SMAD7: variants seen among roughly 807,000 people sequenced by gnomAD.
SMAD7 encodes the protein SMAD family member 7.
SMAD7 carries 8 observed loss-of-function variants against 38.7 expected under a neutral mutation model. The ratio of observed to expected loss-of-function variants is 0.21; its 90% confidence interval spans 0.12 to 0.37. SMAD7 has a LOEUF of 0.37. Ranked by LOEUF, SMAD7 falls within the 10% of genes least tolerant of loss-of-function variation. The pLI is 1.00. For missense variants in SMAD7, 477 were observed against 577.9 expected (o/e 0.83, Z 1.79); for synonymous variants, 327 against 265.1 (o/e 1.23, Z -2.27).
chr18:48,926,581 C>T (rs772001251), intron 3 of SMAD7, among the ~76,000 whole-genome samples: 19 of 152,244 alleles, frequency 1.2e-4, no homozygotes, highest in Non-Finnish European at 2.5e-4. Flanking sequence ...GGAGGAAGGG[C>T]GCCTGGGCAG....
chr18:48,942,211 C>G (rs539273385), intron 3 of SMAD7, among the ~76,000 whole-genome samples: 1 of 152,164 alleles, frequency 6.6e-6, no homozygotes, highest in East Asian at 1.9e-4. Context: ...TAAAAATAAC[C>G]GGGCAACACT....
chr18:48,921,541 T>C lies in SMAD7; in HGVS notation c.1112A>G (p.Tyr371Cys). The change falls in exon 4 of 4, where the codon TAC becomes TGC. Residue 371 changes from tyrosine to cysteine, a missense_variant. By Grantham distance (194) the Tyr-to-Cys change is radical. This residue lies in a region of SMAD7 where 101 missense variants were observed against 198.5 expected (regional missense o/e 0.51). Coordinates refer to ENST00000262158, the MANE Select transcript of SMAD7 (RefSeq NM_005904.4). This position sits in a 1 kb window ranked among gnomAD's most constrained non-coding sequence, Gnocchi z 6.4. Reference protein sequence around the residue: ...FPGFSIKAFDYEKAYSLQRPN... With the variant: ...FPGFSIKAFDCEKAYSLQRPN... ...CCGCTGCAGGCTGTACGCCTTCTCG[T>C]AGTCGAAAGCCTTGATGGAGAAACC... 1 of 1,614,256 alleles carries C rather than the reference T, an allele frequency of 6.2e-7. No homozygotes were observed. Among genetic ancestry groups the C allele is most frequent in the African/African-American group, 1.3e-5 (1 of 75,072 alleles).
At chr18:48,948,355 G>A in intron 2 of SMAD7, 29 bp downstream of exon 2, 2 of 1,509,908 alleles carry the variant, frequency 1.3e-6, no homozygotes. Flanking sequence ...CTTAAGATAA[G>A]CAGGATATTT....
intron 3 of SMAD7, among the ~76,000 whole-genome samples, chr18:48,922,763 G>C (rs1191822569): frequency 2.0e-5 from 3 of 152,000 alleles, no homozygotes; most frequent in Non-Finnish European, 4.4e-5. Context: ...CCCATCCCCA[G>C]GGGTGCCCCC....
chr18:48,947,341 C>T (rs1009222208), intron 2 of SMAD7, among the ~76,000 whole-genome samples: 1 of 152,182 alleles, frequency 6.6e-6, no homozygotes, highest in African/African-American at 2.4e-5. Context: ...TATGACAACG[C>T]CCCAGCAAAA....
Position 48,921,843 on chromosome 18 carries a change from C to A in SMAD7, c.810G>T (p.Lys270Asn). The change falls in exon 4 of 4, where the codon AAG (lysine) becomes AAT (asparagine). Residue 270 changes from lysine to asparagine, a missense_variant. Lys to Asn is a moderately conservative substitution (Grantham distance 94). Around this residue, in one of 2 missense-constraint regions of SMAD7, gnomAD observed 376 missense variants for 379.4 expected, o/e 0.99. Coordinates refer to ENST00000262158, the MANE Select transcript of SMAD7 (RefSeq NM_005904.4). The surrounding 1 kb of genome is among the most constrained non-coding windows in gnomAD (Gnocchi z 6.4). Reference sequence around the variant, plus strand: ...CACAGTAGAGCCTCCCCACTCTCGTCTTCTCCTCCCAGTATGCCACCACGC... The same window carrying A: ...CACAGTAGAGCCTCCCCACTCTCGTATTCTCCTCCCAGTATGCCACCACGC... ...HWCVVAYWEE[K>N]TRVGRLYCVQ... The A allele has an allele frequency of 6.2e-7, 1 of 1,613,836 alleles. No homozygotes were observed.
intron 3 of SMAD7, among the ~76,000 whole-genome samples, chr18:48,924,618 C>T (rs778416751): frequency 2.6e-5 from 4 of 152,172 alleles, no homozygotes; most frequent in African/African-American, 4.8e-5. Flanking sequence ...GCATGGATGT[C>T]GTGAATGCTG....
In SMAD7 at chr18:48,950,229, C is replaced by T; in HGVS notation, c.196G>A (p.Val66Met). 1 of 1,501,832 alleles carries T rather than the reference C, an allele frequency of 6.7e-7. No individual in the cohort carries two copies. The allele number at this position is 1,501,832 out of a possible 1,614,324, so 93.0% of individuals were successfully genotyped here. ...GRAGCCLGKAVRGAKGHHHPH... is the reference protein window; with the variant it reads ...GRAGCCLGKAMRGAKGHHHPH... Reference sequence around the variant, plus strand: ...TGGTGGTGACCTTTGGCACCTCGCACCGCCTTGCCCAGGCAGCATCCAGCC... The same window carrying T: ...TGGTGGTGACCTTTGGCACCTCGCATCGCCTTGCCCAGGCAGCATCCAGCC... The change falls in exon 1 of 4, where the codon GTG (valine) becomes ATG (methionine). Residue 66 changes from valine (V) to methionine (M), a missense_variant. Transcript: ENST00000262158.
At chr18:48,936,158 T>C (rs2070064027) in intron 3 of SMAD7, among the ~76,000 whole-genome samples, 1 of 142,640 alleles carries the variant, frequency 7.0e-6, no homozygotes, top group Non-Finnish European at 1.5e-5. Context: ...CTACCAGCCT[T>C]GCTCCCTGGT....
rs1210216563 is a variant in SMAD7, at chr18:48,950,226, G to T, written c.199C>A (p.Arg67=). The change falls in exon 1 of 4, where the codon CGA becomes AGA. Residue 67 remains arginine (R), a synonymous_variant. Coordinates refer to ENST00000262158, the MANE Select transcript of SMAD7 (RefSeq NM_005904.4). ...GGATGGTGGTGACCTTTGGCACCTCGCACCGCCTTGCCCAGGCAGCATCCA... is the reference window on the plus strand; with the variant it reads ...GGATGGTGGTGACCTTTGGCACCTCTCACCGCCTTGCCCAGGCAGCATCCA... The part of the protein sequence containing the change: ...RAGCCLGKAV[R]GAKGHHHPHP... The T allele has an allele frequency of 6.7e-7, 1 of 1,501,116 alleles. No individual in the cohort carries two copies. Among genetic ancestry groups the T allele is most frequent in the Non-Finnish European group, 8.9e-7 (1 of 1,129,772 alleles). 93.0% of individuals were successfully genotyped at this position (1,501,116 alleles called of 1,614,324 possible).
chr18:48,948,835 C>G (rs1341841061), intron 1 of SMAD7, among the ~76,000 whole-genome samples: 1 of 152,262 alleles, frequency 6.6e-6, no homozygotes, highest in Non-Finnish European at 1.5e-5. Flanking sequence ...CAATTCACCT[C>G]TGCCCCCGCC....
At chr18:48,932,772 C>T (rs2070017557) in intron 3 of SMAD7, among the ~76,000 whole-genome samples, 1 of 152,188 alleles carries the variant, frequency 6.6e-6, no homozygotes, top group Non-Finnish European at 1.5e-5. Context: ...ACGGGCTTAA[C>T]CCTCAGATTT....
chr18:48,943,044 CCT>C (rs2070159891), intron 2 of SMAD7, among the ~76,000 whole-genome samples: 1 of 152,194 alleles, frequency 6.6e-6, no homozygotes, highest in Non-Finnish European at 1.5e-5. Flanking sequence ...ACTTCTTTCC[CCT>C]TTTTTAATTG....
intron 3 of SMAD7, among the ~76,000 whole-genome samples, chr18:48,938,136 G>A (rs906761294): frequency 2.0e-5 from 3 of 152,226 alleles, no homozygotes; most frequent in Admixed American, 6.5e-5. Context: ...ACTGTGGACT[G>A]AGCCAGGGGT....
rs562105645 is a variant in SMAD7, at chr18:48,929,381, C to T, written c.743-7471G>A. Among the ~76,000 whole-genome samples, 374 of 152,160 alleles carry T rather than the reference C, an allele frequency of 2.5e-3. 1 individual carries two copies. Among genetic ancestry groups the T allele is most frequent in the African/African-American group, 8.3e-3 (346 of 41,514 alleles). On this transcript the variant is annotated intron_variant, in intron 3 of 3. Coordinates refer to ENST00000262158, the MANE Select transcript of SMAD7 (RefSeq NM_005904.4). ...GACAAGCATGGAACAGAAAGTCTGT[C>T]GTGTCCAAGAGAAACTACCAAGTCA...
At chr18:48,934,920 G>GA (rs1203516540) in intron 3 of SMAD7, among the ~76,000 whole-genome samples, 2 of 152,154 alleles carry the variant, frequency 1.3e-5, no homozygotes, top group South Asian at 2.1e-4. Context: ...CTTACAAGGT[G>GA]AAAGTTATCA....
intron 3 of SMAD7, among the ~76,000 whole-genome samples, chr18:48,926,454 G>A (rs2069929869): frequency 6.6e-6 from 1 of 152,258 alleles, no homozygotes; most frequent in Non-Finnish European, 1.5e-5. Flanking sequence ...TCTCATCTCT[G>A]TGAGGCACTT....
intron 3 of SMAD7, among the ~76,000 whole-genome samples, chr18:48,941,836 C>T (rs539093348): frequency 1.3e-5 from 2 of 152,276 alleles, no homozygotes; most frequent in South Asian, 4.1e-4. Context: ...GCCCCGTGAC[C>T]CCCCAGCACT....
At chr18:48,939,841 C>A (rs2070116502) in intron 3 of SMAD7, among the ~76,000 whole-genome samples, 1 of 151,510 alleles carries the variant, frequency 6.6e-6, no homozygotes, top group African/African-American at 2.4e-5. Flanking sequence ...CTCCCACCCC[C>A]CAACCTCAGT....
Sources: gnomAD v4.1 joint callset for allele counts (sites outside exome capture counted in the v4.1 genomes callset) on GRCh38, gnomAD v4.1.1 for gene constraint, gnomAD v4.1.1 regional missense constraint, Gnocchi (gnomAD v3.1) non-coding constraint, MANE v1.5 for transcripts, NCBI Gene and HGNC (gene_info 2026-07-23, HGNC 2026-07-21) for gene names.